The following CHSY3 variants were observed in gnomAD, a reference collection of about 807,000 sequenced individuals.
The protein encoded by CHSY3 is N-acetylgalactosaminyl-proteoglycan 3-beta-glucuronosyltransferase 3.
A neutral mutation model predicts 67.2 loss-of-function variants in CHSY3; 35 were observed. The ratio of observed to expected loss-of-function variants is 0.52; its 90% CI spans 0.40 to 0.69. The LOEUF is 0.69. Among genes scored for constraint, CHSY3 ranks in the 30% least tolerant of loss-of-function variants. The probability of loss-of-function intolerance (pLI) is 0.00; values close to 1 mark genes in which losing one functional copy is unlikely to be tolerated. For missense variants in CHSY3, 1,069 were observed against 1,138.5 expected, an observed-to-expected ratio of 0.94 and a Z score of 0.88; for synonymous variants, 474 against 434.7, an observed-to-expected ratio of 1.09 and a Z score of -1.12.
intron 2 of CHSY3, among the ~76,000 whole-genome samples, chr5:130,169,202 C>A (rs965059624): frequency 2.0e-5 from 3 of 152,042 alleles, no homozygotes; most frequent in African/African-American, 7.2e-5. Context: ...CTCCTCTGTA[C>A]CTTATTACTC....
chr5:130,047,214 A>G (rs1248545789), intron 2 of CHSY3, among the ~76,000 whole-genome samples: 1 of 152,092 alleles, frequency 6.6e-6, no homozygotes, highest in Non-Finnish European at 1.5e-5. Context: ...TATTTTCTTC[A>G]TATTCAATAA....
intron 2 of CHSY3, among the ~76,000 whole-genome samples, chr5:130,175,246 A>C (rs113838144): frequency 0.058 from 8,858 of 152,192 alleles, 849 homozygotes; most frequent in African/African-American, 0.2. Context: ...TCAGTGAACT[A>C]CCATTCACAA....
intron 2 of CHSY3, among the ~76,000 whole-genome samples, chr5:130,074,736 G>C (rs1226755800): frequency 6.6e-6 from 1 of 152,040 alleles, no homozygotes; most frequent in Admixed American, 6.6e-5. Flanking sequence ...TTTTTACATT[G>C]ACATAATGTT....
chr5:130,109,349 G>C (rs1454569446), intron 2 of CHSY3, among the ~76,000 whole-genome samples: 1 of 151,498 alleles, frequency 6.6e-6, no homozygotes, highest in Non-Finnish European at 1.5e-5. Context: ...TTTCCACTAG[G>C]GGGTGATCTC....
intron 2 of CHSY3, among the ~76,000 whole-genome samples, chr5:130,109,311 G>A (rs80306579): frequency 0.014 from 2,072 of 151,632 alleles, 47 homozygotes; most frequent in African/African-American, 0.047. Flanking sequence ...CACTAGAGAA[G>A]CACAAAAATG....
chr5:130,157,342 G>C (rs1387917413), intron 2 of CHSY3, among the ~76,000 whole-genome samples: 1 of 152,190 alleles, frequency 6.6e-6, no homozygotes, highest in African/African-American at 2.4e-5. Flanking sequence ...ACCTTAATAG[G>C]ACTGCAATTC....
chr5:130,002,009 C>T, intron 2 of CHSY3: 1 of 870,286 alleles, frequency 1.1e-6, no homozygotes, highest in South Asian at 5.2e-5. Flanking sequence ...TAGAGCTACT[C>T]TCTAAGTCCT....
At chr5:130,133,327 G>A (rs1768541351) in intron 2 of CHSY3, among the ~76,000 whole-genome samples, 1 of 151,970 alleles carries the variant, frequency 6.6e-6, no homozygotes, top group South Asian at 2.1e-4. Flanking sequence ...TTGACCCCTT[G>A]GTGTGCATAG....
intron 2 of CHSY3, among the ~76,000 whole-genome samples, chr5:129,976,743 A>G (rs7717941): frequency 0.33 from 50,274 of 151,706 alleles, 8,520 homozygotes; most frequent in South Asian, 0.45. Context: ...TGATGAAGAA[A>G]ACTCTAGTAA....
intron 2 of CHSY3, among the ~76,000 whole-genome samples, chr5:130,038,269 GA>G (rs1764914127): frequency 6.6e-6 from 1 of 152,126 alleles, no homozygotes; most frequent in Admixed American, 6.6e-5. Flanking sequence ...GAGGGACAGT[GA>G]AAAAGGTACC....
chr5:130,113,131 TTA>T (rs2149704970), intron 2 of CHSY3, among the ~76,000 whole-genome samples: 1 of 152,072 alleles, frequency 6.6e-6, no homozygotes, highest in Admixed American at 6.6e-5. Context: ...TGTATATATA[TTA>T]TATATAATGT....
intron 2 of CHSY3, among the ~76,000 whole-genome samples, chr5:130,029,802 C>T (rs1218199133): frequency 6.6e-6 from 1 of 152,046 alleles, no homozygotes; most frequent in African/African-American, 2.4e-5. Context: ...CCACTGTGGG[C>T]ACAGAGACAG....
chr5:129,949,515 T>G (rs1040368241), intron 2 of CHSY3, among the ~76,000 whole-genome samples: 10 of 152,258 alleles, frequency 6.6e-5, no homozygotes, highest in East Asian at 3.9e-4. Context: ...ACTTCACTGG[T>G]GCATTCTACC....
At chr5:130,075,865 T>G (rs913927149) in intron 2 of CHSY3, among the ~76,000 whole-genome samples, 1 of 152,156 alleles carries the variant, frequency 6.6e-6, no homozygotes, top group African/African-American at 2.4e-5. Context: ...AATTCAATGA[T>G]GTACCAGAAT....
chr5:130,078,176 C>T (rs540138402), intron 2 of CHSY3, among the ~76,000 whole-genome samples: 2 of 152,204 alleles, frequency 1.3e-5, no homozygotes, highest in East Asian at 3.9e-4. Flanking sequence ...GTTCCAAATA[C>T]ACCATGTTGG....
intron 2 of CHSY3, among the ~76,000 whole-genome samples, chr5:130,048,068 A>T (rs551718760): frequency 6.8e-6 from 1 of 147,574 alleles, no homozygotes; most frequent in South Asian, 2.1e-4. Flanking sequence ...GGAAGGAAAA[A>T]GAGAAAATGA....
chr5:130,118,499 G>GTATA (rs1191829737), intron 2 of CHSY3, among the ~76,000 whole-genome samples: 1 of 148,838 alleles, frequency 6.7e-6, no homozygotes, highest in South Asian at 2.1e-4. Flanking sequence ...ATGTGTGTGT[G>GTATA]TGTATATATA....
At chr5:130,112,866 C>T (rs973755815) in intron 2 of CHSY3, among the ~76,000 whole-genome samples, 12 of 152,084 alleles carry the variant, frequency 7.9e-5, no homozygotes, top group Non-Finnish European at 1.8e-4. Context: ...AACTCATTTT[C>T]CCTTTTAGAT....
At chr5:130,026,379 A>G (rs1036941442) in intron 2 of CHSY3, among the ~76,000 whole-genome samples, 22 of 152,166 alleles carry the variant, frequency 1.4e-4, no homozygotes, top group African/African-American at 5.3e-4. Context: ...ATTAAATACT[A>G]TAGTAAAGGA....
Sources: gnomAD v4.1 joint callset for allele counts (sites outside exome capture counted in the v4.1 genomes callset) on GRCh38, gnomAD v4.1.1 for gene constraint, MANE v1.5 for transcripts, NCBI Gene and HGNC (gene_info 2026-07-23, HGNC 2026-07-21) for gene names.